Variants in DSC1 observed in about 807,000 individuals in gnomAD.
The protein encoded by DSC1 is desmocollin-1.
Under a neutral mutation model 98.8 loss-of-function variants are expected in DSC1, and 79 were observed. That is an observed-to-expected ratio of 0.80 (90% CI 0.67 to 0.96). The LOEUF is 0.96. DSC1 is among the 50% of genes least tolerant of loss of function. The pLI, the probability that DSC1 is intolerant of heterozygous loss-of-function variation, is 0.00. For synonymous variants in DSC1, 405 were observed against 372.1 expected (o/e 1.09, Z -1.02); for missense variants, 1,115 against 1,075.9 (o/e 1.04, Z -0.51).
At chr18:31,148,755 C>T in intron 5 of DSC1, 113 bp from the exon 6 acceptor site, 2 of 1,058,658 alleles carry the variant, frequency 1.9e-6, no homozygotes, top group Non-Finnish European at 2.6e-6. Flanking sequence ...TTCCCAAAGA[C>T]CCGTAACTAA....
chr18:31,143,419 G>A (rs1004643713), intron 8 of DSC1, among the ~76,000 whole-genome samples: 1 of 151,474 alleles, frequency 6.6e-6, no homozygotes, highest in African/African-American at 2.4e-5. Context: ...CATGAGCTAC[G>A]TCTAGGGCTA....
At chr18:31,153,563 A>C (rs576832343) in intron 5 of DSC1, among the ~76,000 whole-genome samples, 1 of 152,298 alleles carries the variant, frequency 6.6e-6, no homozygotes, top group African/African-American at 2.4e-5. Context: ...TTTAATTATG[A>C]AACATCTAAA....
intron 3 of DSC1, among the ~76,000 whole-genome samples, chr18:31,156,691 AT>A (rs936807530): frequency 5.9e-5 from 9 of 152,368 alleles, no homozygotes; most frequent in African/African-American, 2.2e-4. Context: ...TAGTTGGGAA[AT>A]CCTCTCCTAA....
chr18:31,139,146 A>G (rs546118927), intron 11 of DSC1, among the ~76,000 whole-genome samples: 167 of 152,234 alleles, frequency 1.1e-3, no homozygotes, highest in Non-Finnish European at 1.6e-3. Context: ...TTGTATGTTC[A>G]AAAGAATTTC....
intron 4 of DSC1, among the ~76,000 whole-genome samples, chr18:31,155,234 T>C (rs2852001): frequency 0.57 from 86,885 of 152,078 alleles, 25,049 homozygotes; most frequent in East Asian, 0.66. Flanking sequence ...ATATAAATAA[T>C]AGTAACAGTT....
chr18:31,151,756 G>A (rs1309639439), intron 5 of DSC1, among the ~76,000 whole-genome samples: 1 of 152,176 alleles, frequency 6.6e-6, no homozygotes, highest in Non-Finnish European at 1.5e-5. Flanking sequence ...TTCAGTAGAT[G>A]GGGCAGAGAA....
In DSC1 at chr18:31,146,215, G is replaced by GT. The variant is rs368142466; in HGVS notation, c.773-439dup. Among the ~76,000 whole-genome samples the GT allele has an allele frequency of 2.7e-3, 414 of 152,204 alleles. 3 individuals are homozygous for GT. The highest frequency in any genetic ancestry group is 9.3e-3 in the African/African-American group (387 of 41,514). ...TAGTGAATGTGGTACCGAATACGTAGTTTTCAGCCCCTTCCCTCCTCCTTC... is the reference window on the plus strand; with the variant it reads ...TAGTGAATGTGGTACCGAATACGTAGTTTTTCAGCCCCTTCCCTCCTCCTTC... On this transcript the variant is annotated intron_variant, in intron 6 of 15. Coordinates refer to ENST00000257198, the MANE Select transcript of DSC1 (RefSeq NM_024421.2).
In DSC1 at chr18:31,162,792, T is replaced by C; in HGVS notation, c.-198A>G. ...AACGGGAGAATTTCTTTCCCCCTAT[T>C]CCCTGGCCAGTCTCCTTCCTTCCAG... On this transcript the variant is annotated 5_prime_UTR_variant, in exon 1 of 16. Coordinates refer to ENST00000257198, the MANE Select transcript of DSC1 (RefSeq NM_024421.2). 1 of 568,452 alleles carries C rather than the reference T, an allele frequency of 1.8e-6. No individual in the cohort carries two copies. The highest frequency in any genetic ancestry group is 3.1e-6 in the Non-Finnish European group (1 of 317,472). The allele number at this position is 568,452 out of a possible 1,614,324, so 35.2% of individuals were successfully genotyped here. A position where few individuals can be genotyped will look rare whatever the true frequency, so the allele number is the denominator to read the frequency against.
rs1411212492 is a variant in DSC1 at position 31,131,815 on chromosome 18, T to C, written c.2266A>G (p.Thr756Ala). ...ATGCTTGTGTCACAAATGTTGGATGTCTGCATGGGGAGTCTAATATTTGCT... is the reference window on the plus strand; with the variant it reads ...ATGCTTGTGTCACAAATGTTGGATGCCTGCATGGGGAGTCTAATATTTGCT... ...TEANIRLPMQ[T>A]SNICDTSMSV... The change falls in exon 15 of 16, where the codon ACA becomes GCA. Residue 756 changes from threonine to alanine, a missense_variant. Coordinates refer to ENST00000257198, the MANE Select transcript of DSC1 (RefSeq NM_024421.2). 3 of 1,613,992 alleles carry C rather than the reference T, an allele frequency of 1.9e-6. No homozygotes were observed. Among genetic ancestry groups the C allele is most frequent in the African/African-American group, 2.7e-5 (2 of 74,922 alleles).
At chr18:31,150,130 C>A (rs894551186) in intron 5 of DSC1, among the ~76,000 whole-genome samples, 1 of 140,612 alleles carries the variant, frequency 7.1e-6, no homozygotes, top group Non-Finnish European at 1.6e-5. Flanking sequence ...CCATCTCCAC[C>A]ATTATCACCA....
In DSC1 at chr18:31,131,970, A is replaced by G. The variant is rs949927268; in HGVS notation, c.2239-128T>C. 3 of 1,103,202 alleles carry G rather than the reference A, an allele frequency of 2.7e-6. No homozygotes were observed. In the African/African-American group the frequency reaches 4.7e-5, roughly 17 times the overall value. 68.3% of individuals were successfully genotyped at this position (1,103,202 alleles called of 1,614,324 possible). ...CTCTGTTCCTCATACATAAAATCAGAATAATAGTATCATAGGTGTGATGGG... is the reference window on the plus strand; with the variant it reads ...CTCTGTTCCTCATACATAAAATCAGGATAATAGTATCATAGGTGTGATGGG... On this transcript the variant is annotated intron_variant, in intron 14 of 15. Coordinates refer to ENST00000257198, the MANE Select transcript of DSC1 (RefSeq NM_024421.2).
At chr18:31,155,050 T>G (rs1989069947) in intron 4 of DSC1, 121 bp from the exon 5 acceptor site, 1 of 1,206,706 alleles carries the variant, frequency 8.3e-7, no homozygotes, top group Admixed American at 2.8e-5. Context: ...TCTTTCTTTC[T>G]TCTGCTTAGG....
intron 1 of DSC1, among the ~76,000 whole-genome samples, chr18:31,160,803 CATAAACACATACATATACAT>C (rs1177572817): frequency 1.3e-5 from 2 of 152,068 alleles, no homozygotes; most frequent in African/African-American, 4.8e-5. Context: ...TTAGGCTATG[CATAAACACATACATATACAT>C]ATGTACACAT....
chr18:31,158,600 G>T (rs2143934032), intron 2 of DSC1, among the ~76,000 whole-genome samples: 1 of 152,158 alleles, frequency 6.6e-6, no homozygotes, highest in Middle Eastern at 3.4e-3. Flanking sequence ...TTACGTTTGG[G>T]CTCAGAACAA....
rs1414564019 is a variant in DSC1, at chr18:31,132,395, G to T, written c.2238+173C>A. 3.5e-5 allele frequency: 28 copies of T among 794,094 alleles called. No individual in the cohort carries two copies. The East Asian group carries it at 7.5e-4, about 21-fold the overall frequency. The allele number at this position is 794,094 out of a possible 1,614,324, so 49.2% of individuals were successfully genotyped here. A position where few individuals can be genotyped will look rare whatever the true frequency, so the allele number is the denominator to read the frequency against. On this transcript the variant is annotated intron_variant, in intron 14 of 15. Coordinates refer to ENST00000257198, the MANE Select transcript of DSC1 (RefSeq NM_024421.2). ...CACTCAGTTTGTTGTGACAGCCCTAGCCCTGTAGAATTGGGAGGTTTAAAT... is the reference window on the plus strand; with the variant it reads ...CACTCAGTTTGTTGTGACAGCCCTATCCCTGTAGAATTGGGAGGTTTAAAT...
intron 11 of DSC1, among the ~76,000 whole-genome samples, chr18:31,136,372 G>C (rs922971356): frequency 3.9e-5 from 6 of 151,968 alleles, no homozygotes; most frequent in African/African-American, 1.5e-4. Flanking sequence ...AAAATCGTAA[G>C]AAAACACACT....
At chr18:31,148,318 A>T (rs11877142) in intron 6 of DSC1, among the ~76,000 whole-genome samples, 180 bp downstream of exon 6, 35,532 of 152,032 alleles carry the variant, frequency 0.23, 4,645 homozygotes, top group East Asian at 0.56. Context: ...CTCAGAGTCA[A>T]TTACCACCCT....
chr18:31,138,856 C>T (rs966987154), intron 11 of DSC1, among the ~76,000 whole-genome samples: 3 of 151,794 alleles, frequency 2.0e-5, no homozygotes, highest in Non-Finnish European at 2.9e-5. Flanking sequence ...GGTAGTCAAA[C>T]GAATAGGCTA....
chr18:31,131,930 T>G (rs1330524158), intron 14 of DSC1, 88 bp from the exon 15 acceptor site: 2 of 1,436,382 alleles, frequency 1.4e-6, no homozygotes, highest in African/African-American at 2.8e-5. Context: ...GGCAAATCAC[T>G]TGCCTGCTGT....
Sources: allele counts gnomAD v4.1 joint callset (sites outside exome capture counted in the v4.1 genomes callset), GRCh38; gene constraint gnomAD v4.1.1; transcripts MANE v1.5; gene names NCBI Gene and HGNC (gene_info 2026-07-23, HGNC 2026-07-21).